RAD51B: variants seen among roughly 807,000 people sequenced by gnomAD.
The protein encoded by RAD51B is RAD51 paralog B.
RAD51B carries 38 observed loss-of-function variants against 42.2 expected under a neutral mutation model. That is an observed-to-expected ratio of 0.90 (90% CI 0.70 to 1.18). The LOEUF is 1.18. Among genes scored for constraint, RAD51B ranks in the 50% most tolerant of loss-of-function variants. The pLI is 0.00. For missense variants in RAD51B, 373 were observed against 400.7 expected (o/e 0.93, Z 0.59); for synonymous variants, 154 against 145.2 (o/e 1.06, Z -0.43).
At chr14:68,408,036 C>T (rs368244977) in intron 8 of RAD51B, among the ~76,000 whole-genome samples, 8 of 152,180 alleles carry the variant, frequency 5.3e-5, no homozygotes, top group African/African-American at 1.7e-4. Flanking sequence ...GGTAGTAAAA[C>T]AGAGGGTGGC....
At chr14:67,842,587 C>T (rs1340886508) in intron 4 of RAD51B, among the ~76,000 whole-genome samples, 1 of 152,180 alleles carries the variant, frequency 6.6e-6, no homozygotes, top group Non-Finnish European at 1.5e-5. Flanking sequence ...CCAAGCTGGT[C>T]TTGAACTCCT....
chr14:68,092,118 G>A (rs1351361657), intron 7 of RAD51B, among the ~76,000 whole-genome samples: 2 of 152,218 alleles, frequency 1.3e-5, no homozygotes, highest in Admixed American at 6.5e-5. Flanking sequence ...AGTATAGTTT[G>A]AAGTCAGGTA....
At chr14:68,204,295 A>G (rs2079544660) in intron 7 of RAD51B, among the ~76,000 whole-genome samples, 1 of 152,222 alleles carries the variant, frequency 6.6e-6, no homozygotes, top group Non-Finnish European at 1.5e-5. Context: ...GGGAATAGAG[A>G]GGCCCAAGGA....
intron 11 of RAD51B, among the ~76,000 whole-genome samples, chr14:68,681,778 G>A (rs1229845890): frequency 6.6e-6 from 1 of 152,214 alleles, no homozygotes; most frequent in Non-Finnish European, 1.5e-5. Context: ...CTCCTCTGTT[G>A]AAAGTGTGAG....
At chr14:68,510,276 T>G (rs61985771) in intron 10 of RAD51B, among the ~76,000 whole-genome samples, 10,842 of 152,278 alleles carry the variant, frequency 0.071, 482 homozygotes, top group Middle Eastern at 0.14. Flanking sequence ...AGCTGCAACC[T>G]ATTAATGGCC....
intron 4 of RAD51B, among the ~76,000 whole-genome samples, chr14:67,852,459 C>T (rs529428689): frequency 6.6e-6 from 1 of 152,182 alleles, no homozygotes; most frequent in Non-Finnish European, 1.5e-5. Flanking sequence ...GAAGTTGGTC[C>T]TGGCTGTTGG....
At chr14:68,423,119 C>G (rs1288182307) in intron 9 of RAD51B, among the ~76,000 whole-genome samples, 3 of 152,142 alleles carry the variant, frequency 2.0e-5, no homozygotes, top group Non-Finnish European at 4.4e-5. Flanking sequence ...AGCCCAGCTC[C>G]CATGGTTGTA....
chr14:67,834,631 C>G (rs1467694885), intron 3 of RAD51B, among the ~76,000 whole-genome samples: 2 of 152,094 alleles, frequency 1.3e-5, no homozygotes, highest in African/African-American at 4.8e-5. Context: ...TCCCTGTTTC[C>G]TCTCTTGCTT....
rs2140255953 is a variant in RAD51B, at chr14:68,477,927, T to G, written c.*263T>G. ...TGCCGCCATGGGATGTCAACAGCCATAATAATAATTTGCACTTATATAGCA... is the reference window on the plus strand; with the variant it reads ...TGCCGCCATGGGATGTCAACAGCCAGAATAATAATTTGCACTTATATAGCA... On this transcript the variant is annotated 3_prime_UTR_variant, in exon 11 of 11. Coordinates refer to ENST00000471583, the MANE Select transcript of RAD51B (RefSeq NM_133510.4). 7.9e-7 allele frequency: 1 copy of G among 1,273,454 alleles called. No individual in the cohort carries two copies. The highest frequency in any genetic ancestry group is 3.1e-5 in the East Asian group (1 of 32,530). 78.9% of individuals were successfully genotyped at this position (1,273,454 alleles called of 1,614,324 possible).
chr14:68,452,730 C>T (rs1305108248), intron 9 of RAD51B, among the ~76,000 whole-genome samples: 1 of 151,776 alleles, frequency 6.6e-6, no homozygotes, highest in East Asian at 1.9e-4. Context: ...TCTCAGGTTC[C>T]TATGACGTAC....
chr14:68,571,329 G>A (rs1221416104), intron 10 of RAD51B, among the ~76,000 whole-genome samples: 1 of 152,180 alleles, frequency 6.6e-6, no homozygotes, highest in Non-Finnish European at 1.5e-5. Flanking sequence ...TAATCCTGGA[G>A]GTCAGAAGTC....
chr14:68,106,136 T>C (rs186754165), intron 7 of RAD51B, among the ~76,000 whole-genome samples: 1 of 152,110 alleles, frequency 6.6e-6, no homozygotes, highest in East Asian at 1.9e-4. Context: ...TGGATTTTGG[T>C]TTGAGCATTC....
chr14:68,067,931 C>CAAAAAAAAAAAAAA (rs913150528), intron 7 of RAD51B, among the ~76,000 whole-genome samples: 1 of 24,690 alleles, frequency 4.1e-5, no homozygotes, highest in Non-Finnish European at 9.0e-5. Flanking sequence ...GACTCCATCT[C>CAAAAAAAAAAAAAA]AAAAAAAAAA....
chr14:68,467,192 A>T, intron 9 of RAD51B, among the ~76,000 whole-genome samples: 1 of 152,220 alleles, frequency 6.6e-6, no homozygotes, highest in East Asian at 1.9e-4. Flanking sequence ...GAACCATATG[A>T]GATGTGATAA....
chr14:67,934,197 A>T (rs1030019052), intron 7 of RAD51B, among the ~76,000 whole-genome samples: 1 of 152,106 alleles, frequency 6.6e-6, no homozygotes, highest in Non-Finnish European at 1.5e-5. Flanking sequence ...TAATTAGAAA[A>T]CTGTGAATAC....
chr14:67,820,911 C>T (rs761188980), intron 1 of RAD51B, among the ~76,000 whole-genome samples: 5 of 151,972 alleles, frequency 3.3e-5, no homozygotes, highest in Non-Finnish European at 7.4e-5. Context: ...GAAGTAACTG[C>T]CAGGAAGGAT....
chr14:67,915,179 C>T (rs569282874), intron 7 of RAD51B, among the ~76,000 whole-genome samples: 90 of 152,176 alleles, frequency 5.9e-4, no homozygotes, highest in African/African-American at 2.1e-3. Flanking sequence ...CTCAGCATCA[C>T]GCAATATACC....
At position 68,351,645 on chromosome 14, in the gene RAD51B, G is replaced by A. The variant is rs115232523; in HGVS notation, c.853+59665G>A. ...GATGTCCTGCCACCTGAAGAGAGAG[G>A]AGGCATTGATTAGAGGAGAGCGCTC... On this transcript the variant is annotated intron_variant, in intron 8 of 10. Coordinates refer to ENST00000471583, the MANE Select transcript of RAD51B (RefSeq NM_133510.4). Among the ~76,000 whole-genome samples, 949 of 152,310 alleles carry A rather than the reference G, an allele frequency of 6.2e-3. 4 individuals are homozygous for A. The highest frequency in any genetic ancestry group is 0.022 in the African/African-American group (904 of 41,558).
intron 10 of RAD51B, chr14:68,497,644 C>A: frequency 1.6e-6 from 1 of 627,590 alleles, no homozygotes; most frequent in African/African-American, 1.9e-5. Context: ...ATTTTCATCA[C>A]CCCAAAAGCA....
Sources: allele counts gnomAD v4.1 joint callset (sites outside exome capture counted in the v4.1 genomes callset), GRCh38; gene constraint gnomAD v4.1.1; transcripts MANE v1.5; gene names NCBI Gene and HGNC (gene_info 2026-07-23, HGNC 2026-07-21).